The following FHIT variants were observed in gnomAD, a reference collection of about 807,000 sequenced individuals.
FHIT encodes the protein fragile histidine triad diadenosine triphosphatase, also known as bis(5'-adenosyl)-triphosphatase.
In FHIT, 19 loss-of-function variants were observed where a neutral mutation model predicts 17.9. The observed-to-expected ratio is 1.06, with a 90% CI of 0.74 to 1.56. The LOEUF (loss-of-function observed/expected upper bound fraction) is 1.56. FHIT is among the 40% of genes most tolerant of loss of function. The pLI is 0.00. For synonymous variants in FHIT, 81 were observed against 69.7 expected, an observed-to-expected ratio of 1.16 and a Z score of -0.81; for missense variants, 248 against 189.2, an observed-to-expected ratio of 1.31 and a Z score of -1.82.
At chr3:60,784,626 G>A (rs146170331) in intron 4 of FHIT, among the ~76,000 whole-genome samples, 8 of 152,330 alleles carry the variant, frequency 5.3e-5, no homozygotes, top group African/African-American at 1.9e-4. Flanking sequence ...ATGAGCCACA[G>A]TACTTGGCCT....
At chr3:60,185,027 G>T (rs1219782029) in intron 5 of FHIT, among the ~76,000 whole-genome samples, 1 of 151,998 alleles carries the variant, frequency 6.6e-6, no homozygotes, top group East Asian at 1.9e-4. Context: ...CGTGCTCCAG[G>T]CTCATCATGT....
chr3:60,897,130 C>G (rs1425242862), intron 3 of FHIT, among the ~76,000 whole-genome samples: 2 of 152,180 alleles, frequency 1.3e-5, no homozygotes, highest in Non-Finnish European at 2.9e-5. Context: ...TCACAGGGAT[C>G]TTCCTCATCC....
intron 5 of FHIT, among the ~76,000 whole-genome samples, chr3:60,173,898 TATATATATATATATATATG>T (rs1345816776): frequency 9.4e-5 from 7 of 74,812 alleles, no homozygotes; most frequent in African/African-American, 4.3e-4. Flanking sequence ...TATATATATA[TATATATATATATATATATG>T]TTTTTTTTTT....
intron 2 of FHIT, among the ~76,000 whole-genome samples, chr3:61,198,561 G>C (rs181078760): frequency 4.5e-4 from 68 of 152,032 alleles, no homozygotes; most frequent in African/African-American, 1.6e-3. Context: ...TACTACCAAG[G>C]CTTTCTTTAA....
intron 5 of FHIT, among the ~76,000 whole-genome samples, chr3:60,260,353 A>T (rs923021460): frequency 2.6e-5 from 3 of 117,000 alleles, no homozygotes; most frequent in African/African-American, 5.4e-5. Flanking sequence ...GACTAAATTT[A>T]AAAAAAAAAA....
intron 2 of FHIT, among the ~76,000 whole-genome samples, chr3:61,131,636 T>C (rs1396428004): frequency 6.6e-6 from 1 of 152,226 alleles, no homozygotes; most frequent in Non-Finnish European, 1.5e-5. Flanking sequence ...CCCAGGCCAC[T>C]GCCATTTGCC....
chr3:59,891,229 A>G (rs1239336761), intron 8 of FHIT, among the ~76,000 whole-genome samples: 1 of 152,216 alleles, frequency 6.6e-6, no homozygotes, highest in Non-Finnish European at 1.5e-5. Flanking sequence ...GCAAAATATC[A>G]GGAACCAAGG....
chr3:59,768,629 T>A (rs1325813032), intron 8 of FHIT, among the ~76,000 whole-genome samples: 11 of 152,202 alleles, frequency 7.2e-5, no homozygotes, highest in Non-Finnish European at 1.5e-5. Context: ...GACATCAATG[T>A]CATATGGTTC....
At chr3:60,365,105 C>G (rs903182990) in intron 5 of FHIT, among the ~76,000 whole-genome samples, 8 of 149,022 alleles carry the variant, frequency 5.4e-5, no homozygotes, top group Non-Finnish European at 1.2e-4. Flanking sequence ...TACATATAAA[C>G]AGAACATTAT....
intron 7 of FHIT, among the ~76,000 whole-genome samples, chr3:59,971,605 A>G (rs1408723678): frequency 6.6e-6 from 1 of 152,144 alleles, no homozygotes; most frequent in Non-Finnish European, 1.5e-5. Context: ...TCAACAGAGA[A>G]AGAGAATGCT....
intron 2 of FHIT, chr3:61,165,880 G>C (rs2037822330): frequency 6.6e-6 from 1 of 152,102 alleles, no homozygotes. Context: ...GGTTGACAAA[G>C]AATGGATACT....
intron 3 of FHIT, among the ~76,000 whole-genome samples, chr3:60,826,148 TGGATGGAAGGAAGGAAGGAA>T: frequency 1.9e-5 from 2 of 103,404 alleles, no homozygotes; most frequent in Middle Eastern, 5.8e-3. Flanking sequence ...GAGGGATGAA[TGGATGGAAGGAAGGAAGGAA>T]GGAAGGAAGG....
At chr3:60,695,486 A>C (rs1553700443) in intron 4 of FHIT, among the ~76,000 whole-genome samples, 1 of 152,222 alleles carries the variant, frequency 6.6e-6, no homozygotes, top group East Asian at 1.9e-4. Flanking sequence ...CCAAAGTCAA[A>C]CTGTGAGGGT....
At chr3:59,975,567 T>C (rs990491210) in intron 7 of FHIT, among the ~76,000 whole-genome samples, 7 of 152,048 alleles carry the variant, frequency 4.6e-5, no homozygotes, top group African/African-American at 7.2e-5. Context: ...CTTTCTACAA[T>C]TGACGGTACA....
intron 2 of FHIT, among the ~76,000 whole-genome samples, chr3:61,168,555 T>A (rs940337): frequency 0.13 from 19,203 of 152,254 alleles, 1,285 homozygotes; most frequent in South Asian, 0.21. Context: ...CAGGGATTTA[T>A]CACGTCTTAA....
At chr3:60,398,164 A>G (rs1433920788) in intron 5 of FHIT, among the ~76,000 whole-genome samples, 2 of 151,910 alleles carry the variant, frequency 1.3e-5, no homozygotes, top group African/African-American at 2.4e-5. Context: ...CTGCATCACT[A>G]TTTTTCAAAG....
chr3:59,952,034 T>G (rs1707142116), intron 7 of FHIT, among the ~76,000 whole-genome samples: 2 of 152,164 alleles, frequency 1.3e-5, no homozygotes, highest in Admixed American at 6.5e-5. Flanking sequence ...TCTCACAGCC[T>G]TGATCTCATC....
rs191285224 is a variant in FHIT, at chr3:60,036,793, T to C, written c.104-22641A>G. On this transcript the variant is annotated intron_variant, in intron 5 of 9. Coordinates refer to ENST00000492590, the MANE Select transcript of FHIT (RefSeq NM_002012.4). The stretch of plus-strand genomic sequence containing the variant: ...TGTTTGTTTGTTTGTTTGTTTTTGC[T>C]CTTCCCCAAGATAGAGACACATTGG... Among the ~76,000 whole-genome samples the C allele has an allele frequency of 7.9e-5, 12 of 152,302 alleles. No individual in the cohort carries two copies. The East Asian group carries it at 1.2e-3, about 15-fold the overall frequency.
At chr3:61,017,242 T>A (rs1381238529) in intron 3 of FHIT, among the ~76,000 whole-genome samples, 1 of 152,166 alleles carries the variant, frequency 6.6e-6, no homozygotes, top group East Asian at 1.9e-4. Flanking sequence ...CAAGCTGAGA[T>A]TGCGCCACTG....
Sources: gnomAD v4.1 joint callset for allele counts (sites outside exome capture counted in the v4.1 genomes callset) on GRCh38, gnomAD v4.1.1 for gene constraint, MANE v1.5 for transcripts, NCBI Gene and HGNC (gene_info 2026-07-23, HGNC 2026-07-21) for gene names.